HUNK: variants seen among roughly 807,000 people sequenced by gnomAD.
HUNK encodes hormonally up-regulated neu tumor-associated kinase.
HUNK carries 21 observed loss-of-function variants against 61.0 expected under a neutral mutation model. That is an observed-to-expected ratio of 0.34 (90% CI 0.24 to 0.50). The LOEUF is 0.50. Ranked by LOEUF, HUNK falls within the 20% of genes least tolerant of loss-of-function variation. The pLI is 0.98. For missense variants in HUNK, 772 were observed against 945.7 expected, an observed-to-expected ratio of 0.82 and a Z score of 2.41; for synonymous variants, 371 against 386.1, an observed-to-expected ratio of 0.96 and a Z score of 0.46.
intron 8 of HUNK, among the ~76,000 whole-genome samples, chr21:31,984,986 A>T (rs2123245730): frequency 6.6e-6 from 1 of 152,342 alleles, no homozygotes; most frequent in Non-Finnish European, 1.5e-5. Context: ...CACGTCTTAC[A>T]TGGTGGCAGG....
intron 7 of HUNK, among the ~76,000 whole-genome samples, chr21:31,979,178 C>T (rs2053073518): frequency 6.7e-6 from 1 of 150,078 alleles, no homozygotes. Context: ...TCTCGGCTCA[C>T]TGCAACCTCT....
Position 31,939,636 on chromosome 21 carries a change from G to A in HUNK, c.555-529G>A, listed in dbSNP as rs762139186. 7.3e-5 allele frequency among the ~76,000 whole-genome samples: 11 copies of A among 151,582 alleles called. No homozygotes were observed. The East Asian group carries it at 1.2e-3, about 16-fold the overall frequency. ...TTAGTCAGGCTGGTCTCGAACTCGCGACCTCAGGTGATCTGCCCACCCTGG... is the reference window on the plus strand; with the variant it reads ...TTAGTCAGGCTGGTCTCGAACTCGCAACCTCAGGTGATCTGCCCACCCTGG... On this transcript the variant is annotated intron_variant, in intron 2 of 10. Transcript: ENST00000270112.
At position 31,945,925 on chromosome 21, in the gene HUNK, C is replaced by T. The variant is rs571646673; in HGVS notation, c.611-111C>T. 3.9e-4 allele frequency: 416 copies of T among 1,078,328 alleles called. No individual in the cohort carries two copies. In the Middle Eastern group the frequency reaches 6.3e-3, roughly 16 times the overall value. The allele number at this position is 1,078,328 out of a possible 1,614,324, so 66.8% of individuals were successfully genotyped here. Reference sequence around the variant, plus strand: ...TTAGGATGCTAAATGATGTGTTAGCCTGAGAGAATGTTTCCTTTCCTGCTG... The same window carrying T: ...TTAGGATGCTAAATGATGTGTTAGCTTGAGAGAATGTTTCCTTTCCTGCTG... On this transcript the variant is annotated intron_variant, in intron 3 of 10. Transcript: ENST00000270112.
Position 31,974,564 on chromosome 21 carries a change from G to A in HUNK, c.1020G>A (p.Leu340=). ...CNVTYPNRIS[L]EDLSPSVVLH... The stretch of plus-strand genomic sequence containing the variant: ...TCTCTGCACCTCGCAGGATTTCTCT[G>A]GAAGATCTGAGCCCGAGCGTCGTGC... The change falls in exon 7 of 11, where the codon CTG becomes CTA. Residue 340 remains leucine (L), a synonymous_variant. Transcript: ENST00000270112. 2 of 1,612,934 alleles carry A rather than the reference G, an allele frequency of 1.2e-6. No homozygotes were observed. The highest frequency in any genetic ancestry group is 2.2e-5 in the South Asian group (2 of 90,922).
chr21:31,954,232 C>G (rs1421556673), intron 4 of HUNK, among the ~76,000 whole-genome samples: 2 of 152,156 alleles, frequency 1.3e-5, no homozygotes, highest in Non-Finnish European at 2.9e-5. Context: ...GACACCCCCA[C>G]CTGGGACAGG....
chr21:31,891,383 A>G (rs2052386860), intron 1 of HUNK, among the ~76,000 whole-genome samples: 1 of 152,226 alleles, frequency 6.6e-6, no homozygotes, highest in African/African-American at 2.4e-5. Flanking sequence ...TCTCAAACAA[A>G]CAAACAAAAA....
intron 8 of HUNK, among the ~76,000 whole-genome samples, chr21:31,985,972 G>A (rs1285304478): frequency 3.3e-5 from 5 of 152,076 alleles, no homozygotes; most frequent in Admixed American, 1.3e-4. Context: ...TGTGGGGCTC[G>A]GGGAAGATGA....
At chr21:31,971,786 A>G (rs2053012629) in intron 6 of HUNK, among the ~76,000 whole-genome samples, 1 of 116,986 alleles carries the variant, frequency 8.5e-6, no homozygotes, top group African/African-American at 3.4e-5. Context: ...GTCAGTCAAC[A>G]GATGTTTGCT....
At chr21:31,933,800 A>AG (rs36048902) in intron 2 of HUNK, among the ~76,000 whole-genome samples, 1 of 149,878 alleles carries the variant, frequency 6.7e-6, no homozygotes, top group African/African-American at 2.5e-5. Flanking sequence ...AAAAAAAAAA[A>AG]GGTTAACACT....
intron 4 of HUNK, among the ~76,000 whole-genome samples, chr21:31,957,353 G>A (rs970017540): frequency 6.6e-6 from 1 of 152,196 alleles, no homozygotes; most frequent in Non-Finnish European, 1.5e-5. Flanking sequence ...TAACTCCACT[G>A]TGAGTTTGGA....
chr21:31,880,512 C>G (rs2052298683), intron 1 of HUNK, among the ~76,000 whole-genome samples: 1 of 152,170 alleles, frequency 6.6e-6, no homozygotes, highest in Non-Finnish European at 1.5e-5. Flanking sequence ...GACTGCAGCG[C>G]TCTGTCTCTG....
intron 1 of HUNK, among the ~76,000 whole-genome samples, chr21:31,910,475 T>G (rs191174459): frequency 4.6e-4 from 69 of 150,168 alleles, no homozygotes; most frequent in African/African-American, 1.6e-3. Flanking sequence ...CTGCAGGGAT[T>G]GGTTTCAGGA....
At position 31,999,244 on chromosome 21, in the gene HUNK, A is replaced by T; in HGVS notation, c.*60A>T. 7.0e-7 allele frequency: 1 copy of T among 1,434,080 alleles called. No individual in the cohort carries two copies. Among genetic ancestry groups the T allele is most frequent in the Non-Finnish European group, 9.5e-7 (1 of 1,050,452 alleles). The allele number at this position is 1,434,080 out of a possible 1,614,324, so 88.8% of individuals were successfully genotyped here. ...ACAGCAACTGAACAGAGCTCCACAC[A>T]TCTGTCAGGGTGTGAGCACTCCAAG... On this transcript the variant is annotated 3_prime_UTR_variant, in exon 11 of 11. Coordinates refer to ENST00000270112, the MANE Select transcript of HUNK (RefSeq NM_014586.2).
intron 5 of HUNK, among the ~76,000 whole-genome samples, chr21:31,965,365 C>A (rs923183465): frequency 6.6e-6 from 1 of 151,126 alleles, no homozygotes; most frequent in Non-Finnish European, 1.5e-5. Flanking sequence ...AGGATTAGTA[C>A]CTGGGTGATG....
At position 31,885,275 on chromosome 21, in the gene HUNK, G is replaced by A. The variant is rs1195762892; in HGVS notation, c.261+11340G>A. The stretch of plus-strand genomic sequence containing the variant: ...AAGACAGGTATTAGTACATTAATGC[G>A]TGTGTGTGACAGTGCATGCGCCTTG... On this transcript the variant is annotated intron_variant, in intron 1 of 10. Coordinates refer to ENST00000270112, the MANE Select transcript of HUNK (RefSeq NM_014586.2). Among the ~76,000 whole-genome samples the A allele has an allele frequency of 2.6e-5, 4 of 152,332 alleles. No individual in the cohort carries two copies. In the South Asian group the frequency reaches 6.2e-4, roughly 24 times the overall value.
chr21:31,898,086 T>A (rs1057297816), intron 1 of HUNK, among the ~76,000 whole-genome samples: 7 of 152,146 alleles, frequency 4.6e-5, no homozygotes, highest in Admixed American at 4.6e-4. Context: ...GAAACAGACT[T>A]GAGGTGCAAG....
chr21:31,974,395 T>C (rs2053033711), intron 6 of HUNK, 160 bp from the exon 7 acceptor site: 2 of 643,326 alleles, frequency 3.1e-6, no homozygotes, highest in Admixed American at 2.7e-5. Flanking sequence ...GTGATTGTAC[T>C]ATTCCCTCCG....
intron 10 of HUNK, 107 bp from the exon 11 acceptor site, chr21:31,998,419 C>G (rs1455539979): frequency 8.0e-6 from 9 of 1,125,966 alleles, no homozygotes; most frequent in Non-Finnish European, 1.0e-5. Flanking sequence ...TTCTTCTGAC[C>G]TTGGCGGGAA....
At chr21:31,952,343 G>C (rs1191160166) in intron 4 of HUNK, among the ~76,000 whole-genome samples, 1 of 152,144 alleles carries the variant, frequency 6.6e-6, no homozygotes, top group Non-Finnish European at 1.5e-5. Flanking sequence ...CTTTCTTGGA[G>C]AGCCACACAG....
Sources: gnomAD v4.1 joint callset for allele counts (sites outside exome capture counted in the v4.1 genomes callset) on GRCh38, gnomAD v4.1.1 for gene constraint, MANE v1.5 for transcripts, NCBI Gene and HGNC (gene_info 2026-07-23, HGNC 2026-07-21) for gene names.